Variants in FBXO7 observed in about 807,000 individuals in gnomAD.
The protein encoded by FBXO7 is F-box only protein 7.
FBXO7 carries 31 observed loss-of-function variants against 50.2 expected under a neutral mutation model. That is an observed-to-expected ratio of 0.62 (90% CI 0.46 to 0.83). The LOEUF (loss-of-function observed/expected upper bound fraction) is 0.83. Among genes scored for constraint, FBXO7 ranks in the 40% least tolerant of loss-of-function variants. The pLI, the probability that FBXO7 is intolerant of heterozygous loss-of-function variation, is 0.00. For missense variants in FBXO7, 667 were observed against 646.6 expected (o/e 1.03, Z -0.34); for synonymous variants, 256 against 253.1 (o/e 1.01, Z -0.11).
Position 32,483,946 on chromosome 22 carries a change from A to C in FBXO7, c.467A>C (p.His156Pro). ...FEAESIQDNA[H>P]MAEGTGFYPS... is the part of the protein sequence containing the mutation. The stretch of plus-strand genomic sequence containing the variant: ...GCTGAGTCAATTCAAGATAATGCGC[A>C]TATGGCAGAGGGCACAGGTTTCTAT... Residue 156 changes from histidine (H) to proline (P), a missense_variant, in exon 3 of 9, where the codon CAT becomes CCT. Physicochemically the swap from His to Pro is moderately conservative, Grantham distance 77. Transcript: ENST00000266087. 1 of 1,614,226 alleles carries C rather than the reference A, an allele frequency of 6.2e-7. No homozygotes were observed. Among genetic ancestry groups the C allele is most frequent in the South Asian group, 1.1e-5 (1 of 91,088 alleles).
rs2057416914 is a variant in FBXO7, at chr22:32,475,037, G to C, written c.35G>C (p.Trp12Ser). The C allele has an allele frequency of 6.5e-7, 1 of 1,542,746 alleles. No homozygotes were observed. Among genetic ancestry groups the C allele is most frequent in the African/African-American group, 1.4e-5 (1 of 72,392 alleles). Reference protein sequence around the residue: ...RLRVRLLKRTWPLEVPETEPT... With the variant: ...RLRVRLLKRTSPLEVPETEPT... Reference sequence around the variant, plus strand: ...CGGGTGCGGCTTCTGAAGCGGACCTGGCCGCTGGAGGTGCCCGAGACGGAG... The same window carrying C: ...CGGGTGCGGCTTCTGAAGCGGACCTCGCCGCTGGAGGTGCCCGAGACGGAG... The change falls in exon 1 of 9, where the codon TGG becomes TCG. Residue 12 changes from tryptophan to serine, a missense_variant. By Grantham distance (177) the Trp-to-Ser change is radical. Transcript: ENST00000266087.
At position 32,498,179 on chromosome 22, in the gene FBXO7, C is replaced by T. The variant is rs754657649; in HGVS notation, c.1218C>T (p.Ser406=). 27 of 1,614,088 alleles carry T rather than the reference C, an allele frequency of 1.7e-5. No individual in the cohort carries two copies. Among genetic ancestry groups the T allele is most frequent in the Non-Finnish European group, 1.4e-5 (16 of 1,180,016 alleles). Reference sequence around the variant, plus strand: ...AGAGGCACATACAAAGAAAAGAATCCCCGAAAGGGCGGTTTGTGATGCTCC... The same window carrying T: ...AGAGGCACATACAAAGAAAAGAATCTCCGAAAGGGCGGTTTGTGATGCTCC... The part of the protein sequence containing the change: ...YRKRHIQRKE[S]PKGRFVMLLP... Residue 406 remains serine, a synonymous_variant, in exon 9 of 9, where the codon TCC becomes TCT. Transcript: ENST00000266087.
chr22:32,485,855 A>AT (rs756990367), intron 4 of FBXO7, among the ~76,000 whole-genome samples: 4 of 152,284 alleles, frequency 2.6e-5, no homozygotes, highest in Middle Eastern at 3.4e-3. Context: ...ACTTTGTTTC[A>AT]TATCAACTCC....
intron 5 of FBXO7, chr22:32,488,899 C>T (rs1006831228): frequency 1.3e-5 from 2 of 152,170 alleles, no homozygotes; most frequent in African/African-American, 4.8e-5. Flanking sequence ...CAACTTCCAC[C>T]TCCTGGGTTC....
chr22:32,494,616 GAC>G (rs144423411), intron 7 of FBXO7, among the ~76,000 whole-genome samples: 21,124 of 152,052 alleles, frequency 0.14, 1,934 homozygotes, highest in Non-Finnish European at 0.22. Flanking sequence ...AAAAAGAAAA[GAC>G]AGAATGACTG....
intron 2 of FBXO7, among the ~76,000 whole-genome samples, chr22:32,482,899 A>G (rs2057474061): frequency 6.6e-6 from 1 of 152,242 alleles, no homozygotes; most frequent in African/African-American, 2.4e-5. Context: ...AATACAGTGC[A>G]GTGTGATAAG....
Position 32,493,253 on chromosome 22 carries a change from G to T in FBXO7, c.1116G>T (p.Trp372Cys), listed in dbSNP as rs2057550270. 6.2e-7 allele frequency: 1 copy of T among 1,613,996 alleles called. No homozygotes were observed. Among genetic ancestry groups the T allele is most frequent in the Admixed American group, 1.7e-5 (1 of 60,000 alleles). Reference protein sequence around the residue: ...LFTASNDPLLWRFLYLRDFRD... With the variant: ...LFTASNDPLLCRFLYLRDFRD... Reference sequence around the variant, plus strand: ...CTGCTTCAAATGACCCACTCCTGTGGAGGTTTTTATATCTGCGTGATTTTC... The same window carrying T: ...CTGCTTCAAATGACCCACTCCTGTGTAGGTTTTTATATCTGCGTGATTTTC... Residue 372 changes from tryptophan to cysteine, a missense_variant, in exon 7 of 9, where the codon TGG becomes TGT. Trp to Cys is a radical substitution (Grantham distance 215). Coordinates refer to ENST00000266087, the MANE Select transcript of FBXO7 (RefSeq NM_012179.4).
intron 7 of FBXO7, among the ~76,000 whole-genome samples, chr22:32,494,461 C>T (rs1168059297): frequency 6.6e-6 from 1 of 152,116 alleles, no homozygotes; most frequent in Non-Finnish European, 1.5e-5. Flanking sequence ...CCTCCTCAGC[C>T]TCATAAGTAG....
chr22:32,480,332 A>T (rs1005991915), intron 2 of FBXO7, among the ~76,000 whole-genome samples: 1 of 152,164 alleles, frequency 6.6e-6, no homozygotes, highest in Non-Finnish European at 1.5e-5. Flanking sequence ...CTTTCTGAAA[A>T]GTTACTCCAC....
At position 32,498,630 on chromosome 22, in the gene FBXO7, G is replaced by C; in HGVS notation, c.*100G>C. On this transcript the variant is annotated 3_prime_UTR_variant, in exon 9 of 9. Transcript: ENST00000266087. ...TGATCTCGAGTGTTATTTTCTGATT[G>C]TGGTGTTGAGAGTTGCACTCCCAGA... The C allele has an allele frequency of 7.1e-7, 1 of 1,417,368 alleles. No individual in the cohort carries two copies. The highest frequency in any genetic ancestry group is 1.4e-5 in the African/African-American group (1 of 70,774). 87.8% of individuals were successfully genotyped at this position (1,417,368 alleles called of 1,614,324 possible). A position where few individuals can be genotyped will look rare whatever the true frequency, so the allele number is the denominator to read the frequency against.
intron 5 of FBXO7, chr22:32,488,980 T>G (rs1216966571): frequency 6.6e-6 from 1 of 152,136 alleles, no homozygotes; most frequent in Non-Finnish European, 1.5e-5. Context: ...CAGCCAATTT[T>G]TTTTTATTTT....
chr22:32,479,301 A>G lies in FBXO7; in HGVS notation c.417+26A>G, dbSNP rs762287646. On this transcript the variant is annotated intron_variant, in intron 2 of 8. Transcript: ENST00000266087. ...GTGGGTATTAAACACCAATATATCA[A>G]ATAGAGTAGGTGATAAGTCATATTG... 11 of 1,610,088 alleles carry G rather than the reference A, an allele frequency of 6.8e-6. No individual in the cohort carries two copies. The Admixed American group carries it at 8.3e-5, about 12-fold the overall frequency.
intron 3 of FBXO7, 130 bp downstream of exon 3, chr22:32,484,254 T>G: frequency 2.6e-6 from 2 of 781,808 alleles, no homozygotes; most frequent in South Asian, 1.4e-5. Flanking sequence ...GCTATATTGG[T>G]GAAGTTCTGG....
chr22:32,477,667 C>T (rs1031330153), intron 1 of FBXO7, among the ~76,000 whole-genome samples: 6 of 152,168 alleles, frequency 3.9e-5, no homozygotes, highest in Non-Finnish European at 8.8e-5. Flanking sequence ...ACATAATACT[C>T]CTCTAACTTT....
At chr22:32,475,455 CA>C in intron 1 of FBXO7, 1 of 1,596,708 alleles carries the variant, frequency 6.3e-7, no homozygotes, top group South Asian at 1.1e-5. Context: ...AGGGAACGCA[CA>C]ATTTCCACAA....
chr22:32,478,918 A>G, intron 1 of FBXO7, 63 bp from the exon 2 acceptor site: 1 of 1,402,290 alleles, frequency 7.1e-7, no homozygotes, highest in South Asian at 1.2e-5. Context: ...TATGCTTCAG[A>G]TGTGCTATTG....
intron 3 of FBXO7, among the ~76,000 whole-genome samples, chr22:32,484,647 C>T (rs1601508479): frequency 6.6e-6 from 1 of 151,986 alleles, no homozygotes; most frequent in South Asian, 2.1e-4. Context: ...GATAATAATA[C>T]AATTGAAGTG....
chr22:32,487,365 T>A (rs1343542798), intron 4 of FBXO7: 7 of 181,226 alleles, frequency 3.9e-5, no homozygotes. Context: ...AAAGGAAGAC[T>A]CATTGCCAAG....
chr22:32,495,727 T>A (rs943138560), intron 8 of FBXO7, among the ~76,000 whole-genome samples, 197 bp downstream of exon 8: 1 of 152,250 alleles, frequency 6.6e-6, no homozygotes, highest in Non-Finnish European at 1.5e-5. Context: ...AAAAAAATGT[T>A]ATCATTGTGT....
Sources: allele counts gnomAD v4.1 joint callset (sites outside exome capture counted in the v4.1 genomes callset), GRCh38; gene constraint gnomAD v4.1.1; transcripts MANE v1.5; gene names NCBI Gene and HGNC (gene_info 2026-07-23, HGNC 2026-07-21).